Variants in KAZN observed in about 807,000 individuals in gnomAD.
KAZN encodes kazrin.
KAZN carries 40 observed loss-of-function variants against 87.4 expected under a neutral mutation model. The observed-to-expected ratio is 0.46, with a 90% CI of 0.36 to 0.60. The LOEUF (loss-of-function observed/expected upper bound fraction) is 0.60, where lower values mean the gene tolerates loss of function less well. Ranked by LOEUF, KAZN falls within the 20% of genes least tolerant of loss-of-function variation. The pLI, the probability that KAZN is intolerant of heterozygous loss-of-function variation, is 0.00. For missense variants in KAZN, 898 were observed against 1,073.9 expected (o/e 0.84, Z 2.29); for synonymous variants, 466 against 458.3 (o/e 1.02, Z -0.22).
At chr1:14,896,322 G>A (rs1487269198) in intron 1 of KAZN, among the ~76,000 whole-genome samples, 1 of 152,124 alleles carries the variant, frequency 6.6e-6, no homozygotes, top group Non-Finnish European at 1.5e-5. Flanking sequence ...CAAAGCACTG[G>A]GATTACAGGC....
At chr1:14,489,186 GA>G (rs749089062) in intron 2 of KAZN, among the ~76,000 whole-genome samples, 1 of 151,992 alleles carries the variant, frequency 6.6e-6, no homozygotes, top group East Asian at 1.9e-4. Flanking sequence ...TTGGAAATGT[GA>G]AAAAAAGAAG....
intron 1 of KAZN, among the ~76,000 whole-genome samples, chr1:14,684,753 C>G (rs1640860158): frequency 6.6e-6 from 1 of 152,164 alleles, no homozygotes; most frequent in African/African-American, 2.4e-5. Flanking sequence ...GGCCTTCCTC[C>G]CAGTCTGACT....
intron 2 of KAZN, among the ~76,000 whole-genome samples, chr1:14,533,994 G>T (rs1672347859): frequency 6.6e-6 from 1 of 152,156 alleles, no homozygotes; most frequent in African/African-American, 2.4e-5. Flanking sequence ...GTTTATAAAT[G>T]ATCTCAAAAG....
chr1:14,279,765 GA>G (rs1278382113), intron 2 of KAZN, among the ~76,000 whole-genome samples: 1 of 152,166 alleles, frequency 6.6e-6, no homozygotes, highest in Non-Finnish European at 1.5e-5. Context: ...GAGACAGGCA[GA>G]AAAAGTGAGA....
At chr1:14,389,326 A>G (rs1469452633) in intron 2 of KAZN, among the ~76,000 whole-genome samples, 3 of 152,226 alleles carry the variant, frequency 2.0e-5, no homozygotes, top group African/African-American at 4.8e-5. Context: ...TAGAGCTACT[A>G]TATGATTCAG....
intron 1 of KAZN, among the ~76,000 whole-genome samples, chr1:14,119,923 T>TCCAATTTAATCTTCACAGCAGCC (rs77982637): frequency 0.55 from 83,969 of 151,922 alleles, 24,306 homozygotes; most frequent in East Asian, 0.75. Flanking sequence ...ATGTGTACGA[T>TCCAATTTAATCTTCACAGCAGCC]CTATTTGGTG....
chr1:14,993,478 A>AAAT, intron 2 of KAZN, among the ~76,000 whole-genome samples: 1 of 151,910 alleles, frequency 6.6e-6, no homozygotes, highest in Non-Finnish European at 1.5e-5. Flanking sequence ...TCAAAAAAAA[A>AAAT]AATAATCATC....
intron 2 of KAZN, among the ~76,000 whole-genome samples, chr1:14,228,649 G>C (rs1256922677): frequency 6.6e-6 from 1 of 152,200 alleles, no homozygotes; most frequent in Non-Finnish European, 1.5e-5. Flanking sequence ...CCCAGACTCT[G>C]GGAGAAGATG....
At chr1:14,547,683 C>T (rs772322740) in intron 2 of KAZN, among the ~76,000 whole-genome samples, 7 of 151,974 alleles carry the variant, frequency 4.6e-5, no homozygotes, top group Admixed American at 2.0e-4. Context: ...CCCGGGTTCA[C>T]GCCATTCTCC....
intron 1 of KAZN, among the ~76,000 whole-genome samples, chr1:14,886,937 C>T (rs1654134625): frequency 6.6e-6 from 1 of 152,152 alleles, no homozygotes; most frequent in Non-Finnish European, 1.5e-5. Context: ...TGCTGTGTTT[C>T]CAGCACTTCA....
chr1:14,507,704 A>C (rs1284258504), intron 2 of KAZN, among the ~76,000 whole-genome samples: 3 of 152,172 alleles, frequency 2.0e-5, no homozygotes, highest in Non-Finnish European at 4.4e-5. Context: ...GGGGCAATGA[A>C]TCAAACACTG....
At chr1:13,984,508 A>G (rs757812028) in intron 1 of KAZN, among the ~76,000 whole-genome samples, 28 of 152,220 alleles carry the variant, frequency 1.8e-4, no homozygotes, top group Admixed American at 1.3e-3. Context: ...ATTTTTTTGG[A>G]ATCTCTTCTA....
intron 2 of KAZN, among the ~76,000 whole-genome samples, chr1:14,542,325 A>G (rs1016373875): frequency 6.6e-6 from 1 of 151,086 alleles, no homozygotes; most frequent in African/African-American, 2.4e-5. Flanking sequence ...GGATAGCATT[A>G]GGAGATATAC....
intron 13 of KAZN, 21 bp downstream of exon 13, chr1:15,104,210 A>G: frequency 6.4e-7 from 1 of 1,555,188 alleles, no homozygotes; most frequent in Non-Finnish European, 8.7e-7. Flanking sequence ...GCTGGGATCC[A>G]GTCATGTGGG....
intron 1 of KAZN, among the ~76,000 whole-genome samples, chr1:14,616,733 G>GGGT (rs1678274106): frequency 6.6e-6 from 1 of 152,230 alleles, no homozygotes; most frequent in South Asian, 2.1e-4. Flanking sequence ...TGCGATCTCA[G>GGGT]GGTTGCCTTT....
intron 2 of KAZN, among the ~76,000 whole-genome samples, chr1:14,533,514 G>A (rs1392245166): frequency 6.6e-6 from 1 of 152,172 alleles, no homozygotes; most frequent in Non-Finnish European, 1.5e-5. Flanking sequence ...CTCTGCATCT[G>A]CCTCAAGGTT....
chr1:14,279,737 G>A (rs1193323500), intron 2 of KAZN, among the ~76,000 whole-genome samples: 1 of 152,190 alleles, frequency 6.6e-6, no homozygotes, highest in African/African-American at 2.4e-5. Flanking sequence ...CTATGTGCAA[G>A]GCAGGGTCCT....
intron 1 of KAZN, among the ~76,000 whole-genome samples, chr1:14,044,981 A>G (rs1642002713): frequency 6.6e-6 from 1 of 152,058 alleles, no homozygotes; most frequent in South Asian, 2.1e-4. Context: ...CCCCAAGACC[A>G]CTATGCTATG....
intron 2 of KAZN, among the ~76,000 whole-genome samples, chr1:14,507,978 T>TAAA (rs567197866): frequency 0.048 from 4,406 of 91,268 alleles, 153 homozygotes; most frequent in East Asian, 0.17. Flanking sequence ...AAAAAATAAA[T>TAAA]AAAAAAAAAA....
Sources: allele counts gnomAD v4.1 joint callset (sites outside exome capture counted in the v4.1 genomes callset), GRCh38; gene constraint gnomAD v4.1.1; transcripts MANE v1.5; gene names NCBI Gene and HGNC (gene_info 2026-07-23, HGNC 2026-07-21).